The following DYNC2H1 variants were observed in gnomAD, a reference collection of about 807,000 sequenced individuals.
The protein encoded by DYNC2H1 is dynein cytoplasmic 2 heavy chain 1, also known as cytoplasmic dynein 2 heavy chain 1.
DYNC2H1 carries 410 observed loss-of-function variants against 570.0 expected under a neutral mutation model. The observed-to-expected ratio is 0.72, with a 90% CI of 0.66 to 0.78. The LOEUF (loss-of-function observed/expected upper bound fraction) is 0.78. DYNC2H1 is among the 30% of genes least tolerant of loss of function. The pLI, the probability that DYNC2H1 is intolerant of heterozygous loss-of-function variation, is 0.00. For missense variants in DYNC2H1, 4,865 were observed against 5,046.4 expected, an observed-to-expected ratio of 0.96 and a Z score of 1.09; for synonymous variants, 1,688 against 1,677.6, an observed-to-expected ratio of 1.01 and a Z score of -0.15.
intron 85 of DYNC2H1, among the ~76,000 whole-genome samples, chr11:103,436,956 A>T (rs1944085420): frequency 6.6e-6 from 1 of 152,082 alleles, no homozygotes; most frequent in Non-Finnish European, 1.5e-5. Context: ...TTGGATTAGT[A>T]TCTGTCCATA....
rs1362562605 is a variant in DYNC2H1, at chr11:103,179,021, A to G, written c.6140-5A>G. The G allele has an allele frequency of 6.2e-7, 1 of 1,600,310 alleles. No individual in the cohort carries two copies. Among genetic ancestry groups the G allele is most frequent in the Non-Finnish European group, 8.5e-7 (1 of 1,170,706 alleles). On this transcript the variant is annotated splice_polypyrimidine_tract_variant and splice_region_variant and intron_variant, in intron 38 of 88. Coordinates refer to ENST00000375735, the MANE Select transcript of DYNC2H1 (RefSeq NM_001377.3). Reference sequence around the variant, plus strand: ...TTTGTCTCCACTGTTTTGATTTGAAAATAGATGTCAGCTCATGGATAATCT... The same window carrying G: ...TTTGTCTCCACTGTTTTGATTTGAAGATAGATGTCAGCTCATGGATAATCT...
chr11:103,343,038 A>G (rs1939548785), intron 82 of DYNC2H1, among the ~76,000 whole-genome samples: 1 of 152,142 alleles, frequency 6.6e-6, no homozygotes, highest in African/African-American at 2.4e-5. Flanking sequence ...CACTGGACTA[A>G]AGACATGGGT....
chr11:103,445,153 A>G (rs886994571), intron 85 of DYNC2H1, among the ~76,000 whole-genome samples: 5 of 152,208 alleles, frequency 3.3e-5, no homozygotes, highest in Non-Finnish European at 7.3e-5. Flanking sequence ...TCTGCTTTCA[A>G]ATATCTTGAT....
At chr11:103,364,659 T>G (rs574157844) in intron 83 of DYNC2H1, among the ~76,000 whole-genome samples, 1 of 152,114 alleles carries the variant, frequency 6.6e-6, no homozygotes, top group African/African-American at 2.4e-5. Flanking sequence ...ATGTCTTGAT[T>G]CACTTCTATA....
intron 53 of DYNC2H1, among the ~76,000 whole-genome samples, chr11:103,210,910 T>C (rs1043760297): frequency 1.3e-5 from 2 of 152,078 alleles, no homozygotes; most frequent in East Asian, 1.9e-4. Flanking sequence ...TAGGGTATTA[T>C]TGAGAGATTT....
chr11:103,452,372 CTTTGGGA>C (rs1457315749), intron 85 of DYNC2H1, among the ~76,000 whole-genome samples: 1 of 151,608 alleles, frequency 6.6e-6, no homozygotes, highest in Non-Finnish European at 1.5e-5. Context: ...GCTTTTGGCC[CTTTGGGA>C]TTTTCATAAA....
At position 103,469,328 on chromosome 11, in the gene DYNC2H1, T is replaced by C. The variant is rs560036903; in HGVS notation, c.12765+623T>C. Among the ~76,000 whole-genome samples the C allele has an allele frequency of 5.3e-5, 8 of 152,344 alleles. No homozygotes were observed. The South Asian group carries it at 1.7e-3, about 32-fold the overall frequency. On this transcript the variant is annotated intron_variant, in intron 88 of 88. Coordinates refer to ENST00000375735, the MANE Select transcript of DYNC2H1 (RefSeq NM_001377.3). ...GTAGAACTTGGGGTATACATGTCTTTCAAATAGGACATAGTTGTAAAGAAG... is the reference window on the plus strand; with the variant it reads ...GTAGAACTTGGGGTATACATGTCTTCCAAATAGGACATAGTTGTAAAGAAG...
At position 103,199,331 on chromosome 11, in the gene DYNC2H1, G is replaced by T. The variant is rs1304742519; in HGVS notation, c.7943G>T (p.Gly2648Val). 1 of 1,611,784 alleles carries T rather than the reference G, an allele frequency of 6.2e-7. No individual in the cohort carries two copies. Among genetic ancestry groups the T allele is most frequent in the African/African-American group, 1.3e-5 (1 of 74,808 alleles). The change falls in exon 49 of 89, where the codon GGA becomes GTA. Residue 2648 changes from glycine (G) to valine (V), a missense_variant. Gly to Val is a moderately radical substitution (Grantham distance 109). Around this residue, in one of 5 missense-constraint regions of DYNC2H1, gnomAD observed 2,401 missense variants for 2,454.6 expected, o/e 0.98. Transcript: ENST00000375735. The surrounding 1 kb of genome is among the most constrained non-coding windows in gnomAD (Gnocchi z 4.6). ...SRIDRVLSFPGGSLLLAGRSG... is the reference protein window; with the variant it reads ...SRIDRVLSFPVGSLLLAGRSG... ...ATAGATAGAGTGCTGAGTTTCCCTG[G>T]AGGTTCACTTCTATTAGCAGGACGC...
Position 103,143,151 on chromosome 11 carries a change from C to G in DYNC2H1, c.2575-117C>G, listed in dbSNP as rs919166734. On this transcript the variant is annotated intron_variant, in intron 17 of 88. Coordinates refer to ENST00000375735, the MANE Select transcript of DYNC2H1 (RefSeq NM_001377.3). ...AATGATTATATTACTTAAATTGACA[C>G]TTGAATACCTCATATTTTCCTCTTT... is the stretch of plus-strand genomic sequence containing the variant. 5.9e-6 allele frequency: 6 copies of G among 1,022,908 alleles called. No homozygotes were observed. In the South Asian group the frequency reaches 1.0e-4, roughly 18 times the overall value. 63.4% of individuals were successfully genotyped at this position (1,022,908 alleles called of 1,614,324 possible).
At chr11:103,428,344 T>C (rs1400161568) in intron 84 of DYNC2H1, among the ~76,000 whole-genome samples, 26 of 151,916 alleles carry the variant, frequency 1.7e-4, no homozygotes, top group Admixed American at 1.6e-3. Context: ...ATAGGAAAAA[T>C]GAATAGTACA....
intron 83 of DYNC2H1, among the ~76,000 whole-genome samples, chr11:103,359,360 C>G (rs1307174708): frequency 2.0e-5 from 3 of 152,048 alleles, no homozygotes; most frequent in Non-Finnish European, 4.4e-5. Flanking sequence ...TTCAAAGTTC[C>G]CACAGTTGAC....
chr11:103,137,809 A>G (rs1340796849), intron 17 of DYNC2H1, among the ~76,000 whole-genome samples: 3 of 151,830 alleles, frequency 2.0e-5, no homozygotes, highest in Admixed American at 2.0e-4. Context: ...TCTATAAATT[A>G]CCTTGGGCAG....
chr11:103,255,542 T>A lies in DYNC2H1; in HGVS notation c.10326+8T>A, dbSNP rs1865021232. ...GAAGAATCTCTTCTAGAGGTAAAAGTCTAGCTATTTAGGTTACTTTTTTCG... is the reference window on the plus strand; with the variant it reads ...GAAGAATCTCTTCTAGAGGTAAAAGACTAGCTATTTAGGTTACTTTTTTCG... On this transcript the variant is annotated splice_region_variant and intron_variant, in intron 67 of 88. Transcript: ENST00000375735. The A allele has an allele frequency of 1.3e-6, 2 of 1,530,528 alleles. No homozygotes were observed. Among genetic ancestry groups the A allele is most frequent in the South Asian group, 2.6e-5 (2 of 78,222 alleles). The allele number at this position is 1,530,528 out of a possible 1,614,324, so 94.8% of individuals were successfully genotyped here.
chr11:103,260,563 A>G (rs1346598327), intron 70 of DYNC2H1, among the ~76,000 whole-genome samples: 4 of 152,090 alleles, frequency 2.6e-5, no homozygotes, highest in African/African-American at 9.7e-5. Flanking sequence ...CACACATCGG[A>G]CAATATTTTA....
chr11:103,148,012 A>C (rs998149897), intron 19 of DYNC2H1, 125 bp downstream of exon 19: 8 of 672,796 alleles, frequency 1.2e-5, no homozygotes, highest in Admixed American at 3.1e-5. Context: ...TAAAAAAAGC[A>C]GGAAAAGTCC....
chr11:103,138,750 C>T (rs1212705298), intron 17 of DYNC2H1, among the ~76,000 whole-genome samples: 1 of 152,150 alleles, frequency 6.6e-6, no homozygotes, highest in Non-Finnish European at 1.5e-5. Flanking sequence ...GGAGGATTCC[C>T]TCTTTTTCTA....
intron 83 of DYNC2H1, among the ~76,000 whole-genome samples, chr11:103,375,915 G>A (rs985964568): frequency 8.5e-5 from 13 of 152,086 alleles, no homozygotes; most frequent in Non-Finnish European, 1.5e-4. Context: ...GATTTTGGAG[G>A]GGCCGGGGAC....
intron 63 of DYNC2H1, among the ~76,000 whole-genome samples, chr11:103,237,736 A>AT (rs1416982988): frequency 1.1e-4 from 3 of 27,460 alleles, no homozygotes; most frequent in East Asian, 7.8e-4. Context: ...TTGATTGCAA[A>AT]TTAAAAAAAA....
At chr11:103,118,147 A>G (rs1001462120) in intron 6 of DYNC2H1, among the ~76,000 whole-genome samples, 1 of 152,106 alleles carries the variant, frequency 6.6e-6, no homozygotes, top group Non-Finnish European at 1.5e-5. Flanking sequence ...TCTTTTGGCT[A>G]TTGCAATTGT....
Sources: gnomAD v4.1 joint callset for allele counts (sites outside exome capture counted in the v4.1 genomes callset) on GRCh38, gnomAD v4.1.1 for gene constraint, gnomAD v4.1.1 regional missense constraint, Gnocchi (gnomAD v3.1) non-coding constraint, MANE v1.5 for transcripts, NCBI Gene and HGNC (gene_info 2026-07-23, HGNC 2026-07-21) for gene names.